The following GRIA4 variants were observed in gnomAD, a reference collection of about 807,000 sequenced individuals.
GRIA4 encodes the protein glutamate ionotropic receptor AMPA type subunit 4.
GRIA4 carries 34 observed loss-of-function variants against 104.0 expected under a neutral mutation model. That is an observed-to-expected ratio of 0.33 (90% CI 0.25 to 0.44). The LOEUF is 0.44. Among genes scored for constraint, GRIA4 ranks in the 20% least tolerant of loss-of-function variants. The pLI, the probability that GRIA4 is intolerant of heterozygous loss-of-function variation, is 1.00. For missense variants in GRIA4, 750 were observed against 1,096.5 expected (o/e 0.68, Z 4.46); for synonymous variants, 386 against 381.9 (o/e 1.01, Z -0.13).
At chr11:105,698,407 G>C (rs1260055895) in intron 3 of GRIA4, among the ~76,000 whole-genome samples, 1 of 152,106 alleles carries the variant, frequency 6.6e-6, no homozygotes, top group African/African-American at 2.4e-5. Flanking sequence ...ACATAGGAAA[G>C]TATCAAATTA....
rs1231111284 is a variant in GRIA4, at chr11:105,957,499, T to C, written c.2295-14415T>C. ...CCGTTTTGGTACCAGTACCATGCTG[T>C]TTTGGTTACTGTAGCCTTGTAGTAT... is the stretch of plus-strand genomic sequence containing the variant. On this transcript the variant is annotated intron_variant, in intron 14 of 16. Transcript: ENST00000282499. 5.3e-5 allele frequency among the ~76,000 whole-genome samples: 8 copies of C among 152,306 alleles called. No individual in the cohort carries two copies. The East Asian group carries it at 1.5e-3, about 29-fold the overall frequency.
intron 14 of GRIA4, among the ~76,000 whole-genome samples, chr11:105,939,002 A>G (rs1003885755): frequency 7.2e-5 from 11 of 152,196 alleles, no homozygotes; most frequent in African/African-American, 2.7e-4. Context: ...AAAGATAACT[A>G]AAATTACAAC....
At chr11:105,612,672 CCTGA>C (rs1420588628) in intron 3 of GRIA4, 6 of 462,962 alleles carry the variant, frequency 1.3e-5, no homozygotes, top group South Asian at 8.0e-5. Context: ...TTTGCTTCTT[CCTGA>C]CTTTCTCTTT....
chr11:105,701,432 C>A (rs1297308539), intron 3 of GRIA4, among the ~76,000 whole-genome samples: 1 of 152,138 alleles, frequency 6.6e-6, no homozygotes, highest in Non-Finnish European at 1.5e-5. Flanking sequence ...CCACAGATCT[C>A]TCAAGACAAT....
chr11:105,722,241 T>C (rs921050222), intron 3 of GRIA4, among the ~76,000 whole-genome samples: 1 of 152,172 alleles, frequency 6.6e-6, no homozygotes, highest in African/African-American at 2.4e-5. Context: ...TATGATGGGT[T>C]TATCAGGGTA....
chr11:105,644,322 T>C (rs1206654558), intron 3 of GRIA4, among the ~76,000 whole-genome samples: 2 of 151,974 alleles, frequency 1.3e-5, no homozygotes, highest in Non-Finnish European at 2.9e-5. Context: ...CCAGGCACCT[T>C]TGGCTCGCGC....
intron 4 of GRIA4, among the ~76,000 whole-genome samples, chr11:105,830,969 C>T (rs1051330614): frequency 6.6e-5 from 10 of 151,490 alleles, no homozygotes; most frequent in Non-Finnish European, 1.0e-4. Context: ...TATACACACA[C>T]GCACACACAC....
At chr11:105,945,580 C>T (rs981657936) in intron 14 of GRIA4, 1 of 288,370 alleles carries the variant, frequency 3.5e-6, no homozygotes, top group Non-Finnish European at 5.2e-6. Flanking sequence ...TTTTTAATCC[C>T]TTTTTCTTTA....
chr11:105,677,551 C>T (rs1318823954), intron 3 of GRIA4, among the ~76,000 whole-genome samples: 1 of 151,758 alleles, frequency 6.6e-6, no homozygotes, highest in Non-Finnish European at 1.5e-5. Flanking sequence ...CTATCTCCTA[C>T]CAAAAAAGAA....
intron 3 of GRIA4, among the ~76,000 whole-genome samples, chr11:105,700,097 T>C (rs1953432612): frequency 1.3e-5 from 2 of 152,360 alleles, no homozygotes; most frequent in East Asian, 3.9e-4. Flanking sequence ...AGAGATGTGA[T>C]ATTTTATTAT....
At chr11:105,956,667 C>T (rs1219888953) in intron 14 of GRIA4, among the ~76,000 whole-genome samples, 1 of 152,150 alleles carries the variant, frequency 6.6e-6, no homozygotes, top group Admixed American at 6.5e-5. Flanking sequence ...GCTCTAGATC[C>T]TTGAGGAATC....
intron 3 of GRIA4, among the ~76,000 whole-genome samples, chr11:105,628,412 T>C (rs1950943614): frequency 6.6e-6 from 1 of 152,154 alleles, no homozygotes; most frequent in Non-Finnish European, 1.5e-5. Flanking sequence ...TCATCTTGAA[T>C]TGTATTTCCT....
intron 4 of GRIA4, among the ~76,000 whole-genome samples, chr11:105,809,087 T>C (rs1391482271): frequency 2.6e-5 from 4 of 152,124 alleles, no homozygotes; most frequent in Non-Finnish European, 5.9e-5. Context: ...GATGTTAAAA[T>C]AGGGAAAACT....
intron 4 of GRIA4, among the ~76,000 whole-genome samples, chr11:105,844,707 T>A (rs912385430): frequency 6.6e-6 from 1 of 152,206 alleles, no homozygotes; most frequent in Non-Finnish European, 1.5e-5. Context: ...AATTTTTTAT[T>A]ACCATCATTA....
intron 7 of GRIA4, among the ~76,000 whole-genome samples, chr11:105,902,261 T>C (rs531351173): frequency 6.6e-5 from 10 of 152,300 alleles, no homozygotes; most frequent in Admixed American, 6.5e-5. Context: ...GTTTTAGTTT[T>C]TCTCTTCCCT....
In GRIA4 at chr11:105,840,075, A is replaced by G. The variant is rs1944339521; in HGVS notation, c.488-21949A>G. 2.0e-5 allele frequency among the ~76,000 whole-genome samples: 3 copies of G among 152,206 alleles called. No homozygotes were observed. The South Asian group carries it at 6.2e-4, about 31-fold the overall frequency. On this transcript the variant is annotated intron_variant, in intron 4 of 16. Transcript: ENST00000282499. ...TACCAAAGTGAAGTTATATTGTCTT[A>G]TAAGTTTATACAAATCAAAATTATT...
At chr11:105,613,392 T>G (rs1188988732) in intron 3 of GRIA4, 3 of 152,220 alleles carry the variant, frequency 2.0e-5, no homozygotes, top group Admixed American at 2.0e-4. Flanking sequence ...TGTTTTAAAT[T>G]CATAAATTCA....
intron 3 of GRIA4, among the ~76,000 whole-genome samples, chr11:105,663,091 T>A (rs1952061530): frequency 6.6e-6 from 1 of 152,052 alleles, no homozygotes; most frequent in South Asian, 2.1e-4. Context: ...TATAAACTCA[T>A]GCCTCTGAAA....
chr11:105,634,516 G>GA (rs1565420176), intron 3 of GRIA4, among the ~76,000 whole-genome samples: 181 of 66,632 alleles, frequency 2.7e-3, no homozygotes, highest in African/African-American at 9.2e-3. Context: ...AAAGAAAGAA[G>GA]AAAGAAAGAA....
Sources: gnomAD v4.1 joint callset for allele counts (sites outside exome capture counted in the v4.1 genomes callset) on GRCh38, gnomAD v4.1.1 for gene constraint, MANE v1.5 for transcripts, NCBI Gene and HGNC (gene_info 2026-07-23, HGNC 2026-07-21) for gene names.